Variants in NTM observed in about 807,000 individuals in gnomAD.
The protein encoded by NTM is IgLON family member 2.
A neutral mutation model predicts 42.1 loss-of-function variants in NTM; 13 were observed. That is an observed-to-expected ratio of 0.31 (90% CI 0.20 to 0.49). The LOEUF is 0.49. Ranked by LOEUF, NTM falls within the 20% of genes least tolerant of loss-of-function variation. The probability of loss-of-function intolerance (pLI) is 0.99; values close to 1 mark genes in which losing one functional copy is unlikely to be tolerated. For synonymous variants in NTM, 187 were observed against 179.2 expected (o/e 1.04, Z -0.35); for missense variants, 373 against 452.8 (o/e 0.82, Z 1.60).
intron 1 of NTM, chr11:131,771,207 C>G (rs990112051): frequency 6.6e-6 from 1 of 152,150 alleles, no homozygotes; most frequent in South Asian, 2.1e-4. Context: ...CACCATAAAG[C>G]TTTTATCAAT....
chr11:131,609,061 A>C (rs1351120090), intron 1 of NTM, among the ~76,000 whole-genome samples: 9 of 152,138 alleles, frequency 5.9e-5, no homozygotes, highest in Non-Finnish European at 2.9e-5. Flanking sequence ...AAATAACAAA[A>C]CTGGGGGTGC....
intron 1 of NTM, among the ~76,000 whole-genome samples, chr11:131,444,702 G>A (rs1949908219): frequency 6.6e-6 from 1 of 152,138 alleles, no homozygotes. Context: ...GAACATTTAG[G>A]TTAGGTTAAA....
chr11:132,302,684 C>G (rs2094911276), intron 4 of NTM, among the ~76,000 whole-genome samples: 1 of 152,132 alleles, frequency 6.6e-6, no homozygotes, highest in Non-Finnish European at 1.5e-5. Context: ...TGTCAAAGGC[C>G]TTCAATCGCA....
intron 3 of NTM, among the ~76,000 whole-genome samples, chr11:132,186,535 C>A (rs2078424937): frequency 6.6e-6 from 1 of 152,198 alleles, no homozygotes; most frequent in South Asian, 2.1e-4. Flanking sequence ...ATCTTATCAT[C>A]CACGTGGCCA....
At chr11:132,317,526 T>C in intron 7 of NTM, 2 of 398,796 alleles carry the variant, frequency 5.0e-6, no homozygotes, top group Non-Finnish European at 8.7e-6. Context: ...CTTCCTTTTT[T>C]TTATATAATC....
rs182407984 is a variant in NTM at position 132,149,955 on chromosome 11, T to C, written c.400+3441T>C. Among the ~76,000 whole-genome samples, 9 of 152,342 alleles carry C rather than the reference T, an allele frequency of 5.9e-5. No homozygotes were observed. The East Asian group carries it at 1.7e-3, about 29-fold the overall frequency. On this transcript the variant is annotated intron_variant, in intron 3 of 8. Transcript: ENST00000683400. ...CAGTGCTTCCATAGTCATGCAAGACTACTGTTCCCTTGTGTTCATTTTGCA... is the reference window on the plus strand; with the variant it reads ...CAGTGCTTCCATAGTCATGCAAGACCACTGTTCCCTTGTGTTCATTTTGCA...
At chr11:131,756,389 GC>G (rs1261592387) in intron 1 of NTM, among the ~76,000 whole-genome samples, 1 of 152,020 alleles carries the variant, frequency 6.6e-6, no homozygotes, top group South Asian at 2.1e-4. Context: ...TTCAAGACCA[GC>G]CTGGGCAACA....
At chr11:132,298,980 A>G (rs2094731043) in intron 4 of NTM, among the ~76,000 whole-genome samples, 1 of 152,178 alleles carries the variant, frequency 6.6e-6, no homozygotes. Context: ...TTATGAAAAA[A>G]TCTGGTTAAT....
intron 2 of NTM, among the ~76,000 whole-genome samples, chr11:131,989,947 G>T (rs770498912): frequency 2.0e-5 from 3 of 152,032 alleles, no homozygotes; most frequent in African/African-American, 7.2e-5. Flanking sequence ...GATGTCAGTG[G>T]GGATAGTAAT....
chr11:132,316,346 A>G (rs1329998376), intron 7 of NTM, among the ~76,000 whole-genome samples: 1 of 152,228 alleles, frequency 6.6e-6, no homozygotes, highest in Non-Finnish European at 1.5e-5. Context: ...TTCAGCAGGC[A>G]CACATGTAGC....
At chr11:131,832,693 A>C (rs1592159076) in intron 1 of NTM, among the ~76,000 whole-genome samples, 1 of 152,304 alleles carries the variant, frequency 6.6e-6, no homozygotes, top group Admixed American at 6.5e-5. Flanking sequence ...TCTAAGCCTC[A>C]GTTTCCTTGG....
intron 1 of NTM, among the ~76,000 whole-genome samples, chr11:131,512,118 A>T (rs939996800): frequency 3.9e-5 from 6 of 152,148 alleles, no homozygotes; most frequent in African/African-American, 1.4e-4. Flanking sequence ...TGCTAATTCC[A>T]GGCCTAATCA....
chr11:131,550,876 T>C (rs551463345), intron 1 of NTM, among the ~76,000 whole-genome samples: 7 of 152,290 alleles, frequency 4.6e-5, no homozygotes, highest in African/African-American at 1.7e-4. Context: ...TAACAGACAC[T>C]GTTCTGCCTC....
chr11:131,921,296 A>G (rs1225858400), intron 2 of NTM, among the ~76,000 whole-genome samples: 2 of 152,224 alleles, frequency 1.3e-5, no homozygotes, highest in African/African-American at 4.8e-5. Context: ...TGGTAAAAAG[A>G]TGCCTATGTG....
chr11:132,162,052 G>A (rs2074401854), intron 3 of NTM, among the ~76,000 whole-genome samples: 1 of 152,208 alleles, frequency 6.6e-6, no homozygotes, highest in African/African-American at 2.4e-5. Context: ...TCTTTCTTGA[G>A]ATCCAAACAT....
intron 1 of NTM, among the ~76,000 whole-genome samples, chr11:131,679,744 G>T (rs2072090390): frequency 6.6e-6 from 1 of 151,728 alleles, no homozygotes; most frequent in African/African-American, 2.4e-5. Flanking sequence ...TAAAATCTTG[G>T]GTCTCACCAC....
At chr11:132,079,669 A>C (rs2058781826) in intron 2 of NTM, among the ~76,000 whole-genome samples, 1 of 152,176 alleles carries the variant, frequency 6.6e-6, no homozygotes. Flanking sequence ...AGACCTTCAC[A>C]TTCTTGATGA....
intron 4 of NTM, among the ~76,000 whole-genome samples, chr11:132,301,315 A>G (rs1015956607): frequency 1.3e-5 from 2 of 152,176 alleles, no homozygotes; most frequent in Admixed American, 1.3e-4. Context: ...CCATGATTCA[A>G]TTATCTCCAC....
At chr11:131,875,668 A>T (rs941314951) in intron 1 of NTM, among the ~76,000 whole-genome samples, 1 of 152,254 alleles carries the variant, frequency 6.6e-6, no homozygotes, top group African/African-American at 2.4e-5. Context: ...TTCTGTACAC[A>T]GCCTTGCACA....
Sources: gnomAD v4.1 joint callset for allele counts (sites outside exome capture counted in the v4.1 genomes callset) on GRCh38, gnomAD v4.1.1 for gene constraint, MANE v1.5 for transcripts, NCBI Gene and HGNC (gene_info 2026-07-23, HGNC 2026-07-21) for gene names.